MEI1: variants seen among roughly 807,000 people sequenced by gnomAD.
MEI1 encodes the protein meiotic double-stranded break formation protein 1, also known as meiosis inhibitor protein 1.
Under a neutral mutation model 146.2 loss-of-function variants are expected in MEI1, and 103 were observed. That is an observed-to-expected ratio of 0.70 (90% CI 0.60 to 0.83). The LOEUF (loss-of-function observed/expected upper bound fraction) is 0.83, where lower values mean the gene tolerates loss of function less well. MEI1 is among the 40% of genes least tolerant of loss of function. MEI1 has a pLI of 0.00. For missense variants in MEI1, 1,529 were observed against 1,533.0 expected, an observed-to-expected ratio of 1.00 and a Z score of 0.04; for synonymous variants, 652 against 628.2, an observed-to-expected ratio of 1.04 and a Z score of -0.57.
chr22:41,798,974 A>G (rs537096525), intron 30 of MEI1, among the ~76,000 whole-genome samples: 9 of 151,948 alleles, frequency 5.9e-5, no homozygotes, highest in Admixed American at 2.6e-4. Context: ...GTCCAGAGAT[A>G]CTGCAGTCCA....
chr22:41,780,729 T>C (rs1230369420), intron 22 of MEI1, among the ~76,000 whole-genome samples: 1 of 152,052 alleles, frequency 6.6e-6, no homozygotes, highest in East Asian at 1.9e-4. Context: ...TACCAGTGTG[T>C]GCCACCATGC....
intron 17 of MEI1, 131 bp downstream of exon 17, chr22:41,754,177 G>A (rs972680880): frequency 2.9e-5 from 19 of 658,778 alleles, no homozygotes; most frequent in South Asian, 1.6e-4. Context: ...CAGAGGAATC[G>A]GAGTGATGCA....
At chr22:41,722,743 G>C (rs73887780) in intron 6 of MEI1, among the ~76,000 whole-genome samples, 1,590 of 152,118 alleles carry the variant, frequency 0.01, 28 homozygotes, top group African/African-American at 0.037. Flanking sequence ...GGGCCCCCAG[G>C]CTAGATTAGA....
chr22:41,718,184 C>A lies in MEI1; in HGVS notation c.643C>A (p.Leu215Ile). ...CTCCTCACCAGTGGCAGCTGAGATG[C>A]TTTCAGGACACTTCCGTGAGAAGCT... ...LYSSPVAAEM[L>I]SGHFREKLFP... is the part of the protein sequence containing the mutation. The change falls in exon 6 of 31, where the codon CTT (leucine) becomes ATT (isoleucine). Residue 215 changes from leucine to isoleucine, a missense_variant. Leu to Ile is a conservative substitution (Grantham distance 5, BLOSUM62 2). Around this residue, in one of 3 missense-constraint regions of MEI1, gnomAD observed 1,212 missense variants for 1,178.9 expected, o/e 1.03. Coordinates refer to ENST00000401548, the MANE Select transcript of MEI1 (RefSeq NM_152513.4). 6.2e-7 allele frequency: 1 copy of A among 1,613,978 alleles called. No homozygotes were observed. The highest frequency in any genetic ancestry group is 8.5e-7 in the Non-Finnish European group (1 of 1,179,882).
At chr22:41,770,069 G>A (rs923954389) in intron 19 of MEI1, among the ~76,000 whole-genome samples, 5 of 151,942 alleles carry the variant, frequency 3.3e-5, no homozygotes, top group Non-Finnish European at 7.4e-5. Context: ...GGGAGGCAGA[G>A]GTTGCGGTGA....
chr22:41,740,032 G>T (rs531431058), intron 11 of MEI1, among the ~76,000 whole-genome samples: 10 of 151,342 alleles, frequency 6.6e-5, no homozygotes, highest in Admixed American at 2.6e-4. Context: ...TTTTTTTTTG[G>T]TGGGGGGGGT....
intron 11 of MEI1, among the ~76,000 whole-genome samples, chr22:41,742,133 G>A (rs762910449): frequency 6.6e-6 from 1 of 152,000 alleles, no homozygotes; most frequent in Non-Finnish European, 1.5e-5. Context: ...AGTGGTGTGC[G>A]CCTGTAGTCC....
intron 9 of MEI1, among the ~76,000 whole-genome samples, chr22:41,731,051 CTT>C (rs71651970): frequency 5.1e-5 from 6 of 117,110 alleles, no homozygotes; most frequent in Admixed American, 8.9e-5. Flanking sequence ...TTGTCTGGGA[CTT>C]TTTTTTTTTT....
intron 7 of MEI1, among the ~76,000 whole-genome samples, chr22:41,725,015 G>A (rs938014820): frequency 6.6e-6 from 1 of 151,932 alleles, no homozygotes; most frequent in Non-Finnish European, 1.5e-5. Flanking sequence ...TGTTGCTTGG[G>A]CTGGTCTCAA....
intron 6 of MEI1, 50 bp downstream of exon 6, chr22:41,718,324 G>T (rs958237665): frequency 6.4e-7 from 1 of 1,566,944 alleles, no homozygotes; most frequent in Non-Finnish European, 8.7e-7. Flanking sequence ...TTGACATTTT[G>T]CTAGAAGACT....
chr22:41,736,273 G>A (rs1193284731), intron 11 of MEI1, among the ~76,000 whole-genome samples: 6 of 143,956 alleles, frequency 4.2e-5, no homozygotes, highest in Admixed American at 2.1e-4. Flanking sequence ...TTTTTGAAAC[G>A]GAGTCTTGCT....
In MEI1 at chr22:41,795,353, CTA is replaced by C. The variant is rs1333302005; in HGVS notation, c.3535-56_3535-55del. 6.2e-7 allele frequency: 1 copy of C among 1,601,780 alleles called. No homozygotes were observed. Among genetic ancestry groups the C allele is most frequent in the Non-Finnish European group, 8.5e-7 (1 of 1,172,560 alleles). On this transcript the variant is annotated intron_variant, in intron 28 of 30. Transcript: ENST00000401548. The surrounding 1 kb of genome is among the most constrained non-coding windows in gnomAD (Gnocchi z 4.2). Reference sequence around the variant, plus strand: ...CCTAAAGTTGGGGCACAGCAGTTGTCTATGATGAAGGAGATGCCAAATCACTG... The same window carrying C: ...CCTAAAGTTGGGGCACAGCAGTTGTCTGATGAAGGAGATGCCAAATCACTG...
At chr22:41,731,041 T>TTGTC (rs1040861152) in intron 9 of MEI1, among the ~76,000 whole-genome samples, 9 of 151,114 alleles carry the variant, frequency 6.0e-5, no homozygotes, top group African/African-American at 2.2e-4. Flanking sequence ...CTGTCCTTCC[T>TTGTC]TGTCTGGGAC....
chr22:41,709,460 C>T (rs1170596162), intron 3 of MEI1: 24 of 663,930 alleles, frequency 3.6e-5, no homozygotes, highest in Non-Finnish European at 6.8e-5. Context: ...TCTCCTTTAG[C>T]ATCACCTTCA....
In MEI1 at chr22:41,705,452, G is replaced by A. The variant is rs929538209; in HGVS notation, c.299-52G>A. 13 of 1,517,920 alleles carry A rather than the reference G, an allele frequency of 8.6e-6. No homozygotes were observed. In the African/African-American group the frequency reaches 1.4e-4, roughly 16 times the overall value. The allele number at this position is 1,517,920 out of a possible 1,614,324, so 94.0% of individuals were successfully genotyped here. A position where few individuals can be genotyped will look rare whatever the true frequency, so the allele number is the denominator to read the frequency against. On this transcript the variant is annotated intron_variant, in intron 2 of 30. Coordinates refer to ENST00000401548, the MANE Select transcript of MEI1 (RefSeq NM_152513.4). ...TCCCAAATTGCTGGGGTACAGATGT[G>A]TGCCACCGCGCCCTGCCTAACCACC...
At chr22:41,727,463 G>A (rs2071457350) in intron 7 of MEI1, among the ~76,000 whole-genome samples, 1 of 152,146 alleles carries the variant, frequency 6.6e-6, no homozygotes, top group South Asian at 2.1e-4. Context: ...TAGCAAATAT[G>A]CCTGATCTAA....
rs78865460 is a variant in MEI1 at position 41,749,979 on chromosome 22, CTG to C, written c.1792+1765_1792+1766del. ...GTGAAGATGTTAGGTGGGTAATTGA[CTG>C]TGTCTGAAGACAAGGGAGAGATCTG... On this transcript the variant is annotated intron_variant, in intron 15 of 30. Transcript: ENST00000401548. 8.5e-4 allele frequency among the ~76,000 whole-genome samples: 130 copies of C among 152,212 alleles called. 3 individuals are homozygous for C. In the East Asian group the frequency reaches 0.023, roughly 27 times the overall value.
intron 6 of MEI1, among the ~76,000 whole-genome samples, chr22:41,718,767 A>G (rs2070450172): frequency 6.6e-6 from 1 of 152,192 alleles, no homozygotes. Flanking sequence ...TCCAAGATCA[A>G]GAGGCTGGCA....
chr22:41,716,532 A>C (rs1474665396), intron 5 of MEI1, among the ~76,000 whole-genome samples: 1 of 150,606 alleles, frequency 6.6e-6, no homozygotes, highest in Non-Finnish European at 1.5e-5. Flanking sequence ...ATGTGCCACC[A>C]CGCTGGACTA....
Sources: allele counts gnomAD v4.1 joint callset (sites outside exome capture counted in the v4.1 genomes callset), GRCh38; gene constraint gnomAD v4.1.1; regional missense constraint gnomAD v4.1.1; non-coding constraint Gnocchi (gnomAD v3.1); transcripts MANE v1.5; gene names NCBI Gene and HGNC (gene_info 2026-07-23, HGNC 2026-07-21).